The following CSMD3 variants were observed in gnomAD, a reference collection of about 807,000 sequenced individuals.
The protein encoded by CSMD3 is CUB and sushi domain-containing protein 3.
In CSMD3, 177 loss-of-function variants were observed where a neutral mutation model predicts 435.2. That is an observed-to-expected ratio of 0.41 (90% CI 0.36 to 0.46). The LOEUF (loss-of-function observed/expected upper bound fraction) is 0.46, where lower values mean the gene tolerates loss of function less well. CSMD3 is among the 20% of genes least tolerant of loss of function. CSMD3 has a pLI of 0.34. For synonymous variants in CSMD3, 1,656 were observed against 1,520.5 expected (o/e 1.09, Z -2.07); for missense variants, 4,265 against 4,504.6 (o/e 0.95, Z 1.52).
At chr8:112,388,610 G>A (rs1202209482) in intron 36 of CSMD3, among the ~76,000 whole-genome samples, 1 of 152,140 alleles carries the variant, frequency 6.6e-6, no homozygotes, top group Non-Finnish European at 1.5e-5. Flanking sequence ...CAGTTTTAGA[G>A]GTTGAATTTG....
intron 12 of CSMD3, among the ~76,000 whole-genome samples, chr8:112,813,546 G>C (rs2079286464): frequency 6.6e-6 from 1 of 152,124 alleles, no homozygotes; most frequent in African/African-American, 2.4e-5. Flanking sequence ...AGTTTTGCGG[G>C]AGGGGGAAGG....
chr8:112,933,010 A>T (rs2130718475), intron 9 of CSMD3, among the ~76,000 whole-genome samples: 1 of 152,320 alleles, frequency 6.6e-6, no homozygotes, highest in East Asian at 1.9e-4. Context: ...TGGTAAAAAC[A>T]AAAACAAAAA....
At chr8:113,055,868 A>G (rs531676492) in intron 5 of CSMD3, among the ~76,000 whole-genome samples, 19 of 152,270 alleles carry the variant, frequency 1.2e-4, no homozygotes, top group African/African-American at 4.3e-4. Flanking sequence ...TAAAGTTTGA[A>G]GATGAACCTT....
At chr8:113,212,960 T>C (rs999838954) in intron 3 of CSMD3, among the ~76,000 whole-genome samples, 3 of 150,208 alleles carry the variant, frequency 2.0e-5, no homozygotes, top group African/African-American at 7.3e-5. Flanking sequence ...GAAGTGACTA[T>C]AACAATTTCT....
At chr8:113,351,787 A>C (rs2094192216) in intron 1 of CSMD3, among the ~76,000 whole-genome samples, 1 of 152,212 alleles carries the variant, frequency 6.6e-6, no homozygotes, top group Non-Finnish European at 1.5e-5. Context: ...CTATGTTGAA[A>C]TAATTAATAA....
At chr8:113,014,765 A>T (rs1287732752) in intron 6 of CSMD3, among the ~76,000 whole-genome samples, 1 of 152,138 alleles carries the variant, frequency 6.6e-6, no homozygotes, top group Non-Finnish European at 1.5e-5. Context: ...CTTTCTAGGT[A>T]GTGGGAAATT....
At chr8:112,371,845 G>A (rs1050777119) in intron 38 of CSMD3, among the ~76,000 whole-genome samples, 9 of 151,670 alleles carry the variant, frequency 5.9e-5, no homozygotes, top group African/African-American at 1.7e-4. Context: ...CTGAGATCAC[G>A]CACCATTGCA....
chr8:112,622,952 T>G (rs1159047984), intron 22 of CSMD3, among the ~76,000 whole-genome samples: 1 of 152,144 alleles, frequency 6.6e-6, no homozygotes, highest in Non-Finnish European at 1.5e-5. Context: ...TGCCACAGTT[T>G]CTAAGTTATG....
chr8:112,331,649 A>G (rs1012859275), intron 45 of CSMD3, among the ~76,000 whole-genome samples: 22 of 152,032 alleles, frequency 1.4e-4, no homozygotes, highest in African/African-American at 5.3e-4. Flanking sequence ...GAAAATACAC[A>G]AAAATATTGA....
intron 3 of CSMD3, among the ~76,000 whole-genome samples, chr8:113,176,580 A>T (rs2092349680): frequency 6.6e-6 from 1 of 152,158 alleles, no homozygotes; most frequent in African/African-American, 2.4e-5. Context: ...TTTAAGTAAT[A>T]AAAAGTTTTA....
intron 20 of CSMD3, among the ~76,000 whole-genome samples, chr8:112,641,632 T>C (rs573475025): frequency 1.6e-4 from 24 of 151,960 alleles, no homozygotes; most frequent in Admixed American, 8.5e-4. Context: ...AATCCAGAAG[T>C]TTGAGATCAG....
At chr8:112,452,433 T>TA (rs1049296481) in intron 32 of CSMD3, among the ~76,000 whole-genome samples, 13 of 152,042 alleles carry the variant, frequency 8.6e-5, no homozygotes, top group Non-Finnish European at 1.6e-4. Flanking sequence ...ACATGTTGAT[T>TA]AAAAAAATTT....
chr8:112,485,970 T>A (rs1184697181), intron 31 of CSMD3, among the ~76,000 whole-genome samples: 1 of 151,188 alleles, frequency 6.6e-6, no homozygotes, highest in East Asian at 1.9e-4. Context: ...AATCCAGATC[T>A]TATATCAGCA....
At chr8:112,284,984 A>AT (rs1012677030) in intron 58 of CSMD3, among the ~76,000 whole-genome samples, 1 of 151,608 alleles carries the variant, frequency 6.6e-6, no homozygotes, top group Non-Finnish European at 1.5e-5. Context: ...GTTCTGTTGA[A>AT]TTTTTTCTAT....
chr8:112,281,103 A>G (rs1563731833), intron 59 of CSMD3, 71 bp downstream of exon 59: 1 of 1,188,990 alleles, frequency 8.4e-7, no homozygotes, highest in Admixed American at 1.8e-5. Context: ...TACAAAACAC[A>G]CAAAAATACT....
intron 3 of CSMD3, among the ~76,000 whole-genome samples, chr8:113,203,671 T>C (rs1412295453): frequency 2.0e-5 from 3 of 152,110 alleles, no homozygotes; most frequent in African/African-American, 7.2e-5. Context: ...TTCAAACCTT[T>C]CTACTTCCTC....
Position 113,110,929 on chromosome 8 carries a change from C to T in CSMD3, c.710-11966G>A, listed in dbSNP as rs185536473. 2.1e-3 allele frequency among the ~76,000 whole-genome samples: 324 copies of T among 152,238 alleles called. 2 individuals carry two copies. Among genetic ancestry groups the T allele is most frequent in the South Asian group, 0.012 (59 of 4,826 alleles). ...CCCACTTTGTGGTTCAGAGATGGTGCCTTCTTGCTGTGTACTTATGTGGTA... is the reference window on the plus strand; with the variant it reads ...CCCACTTTGTGGTTCAGAGATGGTGTCTTCTTGCTGTGTACTTATGTGGTA... On this transcript the variant is annotated intron_variant, in intron 4 of 70. Coordinates refer to ENST00000297405, the MANE Select transcript of CSMD3 (RefSeq NM_198123.2).
intron 17 of CSMD3, among the ~76,000 whole-genome samples, chr8:112,657,252 AG>A (rs2075279538): frequency 6.6e-6 from 1 of 151,906 alleles, no homozygotes; most frequent in African/African-American, 2.4e-5. Context: ...CAGTAGACAC[AG>A]GGTTTCACCA....
chr8:113,362,203 G>C (rs2094281945), intron 1 of CSMD3, among the ~76,000 whole-genome samples: 1 of 152,088 alleles, frequency 6.6e-6, no homozygotes, highest in Non-Finnish European at 1.5e-5. Context: ...ATTCTGTTAG[G>C]TTTGGAAGAT....
Sources: gnomAD v4.1 joint callset for allele counts (sites outside exome capture counted in the v4.1 genomes callset) on GRCh38, gnomAD v4.1.1 for gene constraint, MANE v1.5 for transcripts, NCBI Gene and HGNC (gene_info 2026-07-23, HGNC 2026-07-21) for gene names.